ARHGAP6: variants seen among roughly 807,000 people sequenced by gnomAD.
ARHGAP6 encodes rho GTPase-activating protein 6.
ARHGAP6 carries 16 observed loss-of-function variants against 55.7 expected under a neutral mutation model. The observed-to-expected ratio is 0.29, with a 90% CI of 0.19 to 0.44. The LOEUF (loss-of-function observed/expected upper bound fraction) is 0.44, where lower values mean the gene tolerates loss of function less well. Among genes scored for constraint, ARHGAP6 ranks in the 20% least tolerant of loss-of-function variants. ARHGAP6 has a pLI of 1.00. For synonymous variants in ARHGAP6, 382 were observed against 360.9 expected (o/e 1.06, Z -0.66); for missense variants, 698 against 808.9 (o/e 0.86, Z 1.66).
chrX:11,452,527 C>T (rs746363564), intron 1 of ARHGAP6, among the ~76,000 whole-genome samples: 28 of 112,192 alleles, frequency 2.5e-4, no homozygotes, highest in Non-Finnish European at 4.5e-4. Context: ...TATCCGGAAA[C>T]ACATTGAGTG....
Position 11,144,011 on chromosome X carries a change from C to T in ARHGAP6, c.2145G>A (p.Arg715=), listed in dbSNP as rs750307577. ...LVGHLSSSKS[R]ESSPGPRLGK... Reference sequence around the variant, plus strand: ...CAAGCCTTGGTCCAGGAGAACTTTCCCTTGACTTTGACGACGACAAGTGGC... The same window carrying T: ...CAAGCCTTGGTCCAGGAGAACTTTCTCTTGACTTTGACGACGACAAGTGGC... The change falls in exon 11 of 13, where the codon AGG becomes AGA. Residue 715 remains arginine, a synonymous_variant. Transcript: ENST00000337414. 1 of 1,211,852 alleles carries T rather than the reference C, an allele frequency of 8.3e-7. No homozygotes were observed. Among genetic ancestry groups the T allele is most frequent in the Non-Finnish European group, 1.1e-6 (1 of 895,564 alleles).
intron 1 of ARHGAP6, among the ~76,000 whole-genome samples, chrX:11,635,115 T>C (rs1237210541): frequency 1.8e-5 from 2 of 112,447 alleles, no homozygotes; most frequent in Non-Finnish European, 3.8e-5. Context: ...TCCAGCAAGA[T>C]AGAACCGGCT....
At chrX:11,282,085 C>T (rs186990824) in intron 1 of ARHGAP6, among the ~76,000 whole-genome samples, 1 of 111,780 alleles carries the variant, frequency 8.9e-6, no homozygotes, top group Non-Finnish European at 1.9e-5. Context: ...TGTGGTGTGG[C>T]CACCACAAAC....
intron 1 of ARHGAP6, among the ~76,000 whole-genome samples, chrX:11,461,778 C>G (rs2050247730): frequency 8.9e-6 from 1 of 111,947 alleles, no homozygotes; most frequent in Non-Finnish European, 1.9e-5. Context: ...AAGGATGGAG[C>G]TGAAAGATGT....
chrX:11,519,768 A>G (rs963871099), intron 1 of ARHGAP6, among the ~76,000 whole-genome samples: 1 of 108,226 alleles, frequency 9.2e-6, no homozygotes, highest in Non-Finnish European at 1.9e-5. Context: ...TGGTGCTGGG[A>G]AAACTGGCTA....
intron 10 of ARHGAP6, among the ~76,000 whole-genome samples, chrX:11,156,281 C>T (rs928071931): frequency 1.8e-5 from 2 of 112,084 alleles, no homozygotes; most frequent in African/African-American, 6.5e-5. Context: ...GTCAAAAGGA[C>T]CCTGAGAGGC....
chrX:11,492,559 C>T (rs1370913356), intron 1 of ARHGAP6, among the ~76,000 whole-genome samples: 2 of 111,253 alleles, frequency 1.8e-5, no homozygotes, highest in African/African-American at 6.5e-5. Context: ...ACTTGATAAA[C>T]CTGATAGGGG....
intron 9 of ARHGAP6, among the ~76,000 whole-genome samples, chrX:11,161,357 A>G (rs2045941590): frequency 8.9e-6 from 1 of 112,171 alleles, no homozygotes; most frequent in South Asian, 3.7e-4. Context: ...TGAAATAAGT[A>G]AGAAAGAAAT....
At chrX:11,261,787 T>C (rs2047565019) in intron 1 of ARHGAP6, among the ~76,000 whole-genome samples, 2 of 111,610 alleles carry the variant, frequency 1.8e-5, no homozygotes, top group African/African-American at 6.5e-5. Flanking sequence ...CATTTAGCAA[T>C]GTCTGAAGAC....
At chrX:11,290,015 G>A (rs1244993204) in intron 1 of ARHGAP6, among the ~76,000 whole-genome samples, 2 of 111,606 alleles carry the variant, frequency 1.8e-5, no homozygotes, top group South Asian at 3.8e-4. Context: ...ATCTATCATA[G>A]TGTATTTGTT....
intron 2 of ARHGAP6, among the ~76,000 whole-genome samples, chrX:11,236,985 T>C (rs909807547): frequency 1.8e-5 from 2 of 112,481 alleles, no homozygotes; most frequent in Non-Finnish European, 3.8e-5. Flanking sequence ...CATCCATTTG[T>C]GCAATGCATT....
chrX:11,206,599 T>G (rs1027888132), intron 2 of ARHGAP6, among the ~76,000 whole-genome samples: 2 of 111,737 alleles, frequency 1.8e-5, no homozygotes, highest in African/African-American at 6.5e-5. Flanking sequence ...CCTTTGTTTT[T>G]ATATTGATTA....
intron 1 of ARHGAP6, among the ~76,000 whole-genome samples, chrX:11,382,620 A>C (rs971947734): frequency 8.9e-6 from 1 of 111,784 alleles, no homozygotes; most frequent in Non-Finnish European, 1.9e-5. Flanking sequence ...TTACATATAA[A>C]ATAATAATGC....
intron 1 of ARHGAP6, among the ~76,000 whole-genome samples, chrX:11,623,554 G>A (rs1569063180): frequency 4.6e-5 from 5 of 108,911 alleles, no homozygotes; most frequent in Admixed American, 9.8e-5. Flanking sequence ...AATATTAGCC[G>A]GGCATGGCGG....
chrX:11,385,013 T>G (rs933694572), intron 1 of ARHGAP6, among the ~76,000 whole-genome samples: 2 of 111,701 alleles, frequency 1.8e-5, no homozygotes, highest in African/African-American at 6.5e-5. Flanking sequence ...TGTAAGAAAA[T>G]TAAGTATAAA....
At chrX:11,653,428 G>A (rs957547045) in intron 1 of ARHGAP6, among the ~76,000 whole-genome samples, 2 of 112,501 alleles carry the variant, frequency 1.8e-5, no homozygotes, top group African/African-American at 6.5e-5. Flanking sequence ...GTTTCCTGCT[G>A]TTGTCTCATG....
At chrX:11,361,797 C>T (rs1343276850) in intron 1 of ARHGAP6, among the ~76,000 whole-genome samples, 2 of 110,408 alleles carry the variant, frequency 1.8e-5, no homozygotes, top group Non-Finnish European at 3.8e-5. Flanking sequence ...TGAACACAAA[C>T]AAATTTACAA....
chrX:11,195,569 C>T (rs1410584467), intron 3 of ARHGAP6, among the ~76,000 whole-genome samples: 1 of 110,543 alleles, frequency 9.0e-6, no homozygotes, highest in Non-Finnish European at 1.9e-5. Context: ...TGTGATCTAA[C>T]ATAAAAATGC....
intron 1 of ARHGAP6, among the ~76,000 whole-genome samples, chrX:11,541,608 A>G (rs1248593021): frequency 8.9e-6 from 1 of 112,097 alleles, no homozygotes; most frequent in East Asian, 2.8e-4. Flanking sequence ...CATAGCACTC[A>G]CCACTCCATC....
Sources: gnomAD v4.1 joint callset for allele counts (sites outside exome capture counted in the v4.1 genomes callset) on GRCh38, gnomAD v4.1.1 for gene constraint, MANE v1.5 for transcripts, NCBI Gene and HGNC (gene_info 2026-07-23, HGNC 2026-07-21) for gene names.